CNTN5: variants seen among roughly 807,000 people sequenced by gnomAD.
The protein encoded by CNTN5 is contactin 5.
A neutral mutation model predicts 129.1 loss-of-function variants in CNTN5; 77 were observed. That is an observed-to-expected ratio of 0.60 (90% confidence interval 0.50 to 0.72). The LOEUF is 0.72. Among genes scored for constraint, CNTN5 ranks in the 30% least tolerant of loss-of-function variants. The pLI, the probability that CNTN5 is intolerant of heterozygous loss-of-function variation, is 0.00. For missense variants in CNTN5, 1,478 were observed against 1,328.8 expected, an observed-to-expected ratio of 1.11 and a Z score of -1.75; for synonymous variants, 509 against 465.6, an observed-to-expected ratio of 1.09 and a Z score of -1.20.
intron 3 of CNTN5, among the ~76,000 whole-genome samples, chr11:99,818,492 G>A (rs910259415): frequency 2.0e-5 from 3 of 152,156 alleles, no homozygotes; most frequent in African/African-American, 7.2e-5. Context: ...CCTAGCTGAA[G>A]TCATTCTCCC....
intron 4 of CNTN5, among the ~76,000 whole-genome samples, chr11:99,827,285 C>T (rs1233502950): frequency 2.6e-5 from 4 of 152,230 alleles, no homozygotes; most frequent in South Asian, 2.1e-4. Flanking sequence ...GATAGGGTTT[C>T]ACCATGTTGT....
At chr11:99,868,147 C>A (rs992870564) in intron 6 of CNTN5, among the ~76,000 whole-genome samples, 1 of 151,312 alleles carries the variant, frequency 6.6e-6, no homozygotes, top group East Asian at 1.9e-4. Flanking sequence ...ACCCAGGAGG[C>A]GGAGGTTGTG....
chr11:100,099,019 G>A (rs1323652258), intron 13 of CNTN5, among the ~76,000 whole-genome samples: 1 of 152,064 alleles, frequency 6.6e-6, no homozygotes, highest in East Asian at 1.9e-4. Flanking sequence ...GGGCGGGAAA[G>A]ACAAGTGGGA....
intron 3 of CNTN5, among the ~76,000 whole-genome samples, chr11:99,727,321 A>G (rs866752769): frequency 2.8e-4 from 35 of 123,446 alleles, no homozygotes; most frequent in African/African-American, 5.5e-4. Context: ...TCAAAAAAAA[A>G]AAAAAAAAAA....
intron 13 of CNTN5, among the ~76,000 whole-genome samples, chr11:100,084,696 A>G (rs1944482656): frequency 6.6e-6 from 1 of 152,094 alleles, no homozygotes; most frequent in Non-Finnish European, 1.5e-5. Flanking sequence ...GTAGGTAGGT[A>G]AGTAGGGAGA....
intron 9 of CNTN5, among the ~76,000 whole-genome samples, chr11:100,009,742 A>G (rs906267500): frequency 3.3e-5 from 5 of 152,152 alleles, no homozygotes; most frequent in African/African-American, 1.2e-4. Context: ...CTAATGGTTT[A>G]GATGTAATGT....
chr11:99,834,143 G>C (rs1947230419), intron 4 of CNTN5, among the ~76,000 whole-genome samples: 1 of 152,118 alleles, frequency 6.6e-6, no homozygotes. Flanking sequence ...ATTACACTTA[G>C]TTTTGTTCAG....
At chr11:100,221,960 G>A (rs748067588) in intron 15 of CNTN5, among the ~76,000 whole-genome samples, 2 of 152,176 alleles carry the variant, frequency 1.3e-5, no homozygotes, top group Non-Finnish European at 2.9e-5. Flanking sequence ...AATTGTGGAG[G>A]TTCTCTCTCA....
chr11:99,950,592 T>C (rs561650281), intron 7 of CNTN5, among the ~76,000 whole-genome samples: 15 of 152,264 alleles, frequency 9.9e-5, no homozygotes, highest in Non-Finnish European at 2.1e-4. Context: ...GTTGTGTTTT[T>C]ATAGATGAAA....
chr11:99,555,333 G>A (rs141291747), intron 2 of CNTN5, among the ~76,000 whole-genome samples: 143 of 152,002 alleles, frequency 9.4e-4, no homozygotes, highest in African/African-American at 2.6e-3. Context: ...TAGCTGACAC[G>A]TGAAAATTCT....
At chr11:99,372,749 G>T (rs1160537567) in intron 2 of CNTN5, among the ~76,000 whole-genome samples, 2 of 152,126 alleles carry the variant, frequency 1.3e-5, no homozygotes, top group African/African-American at 2.4e-5. Flanking sequence ...GCTATGCCTA[G>T]ATTTACCTAC....
chr11:99,778,780 G>T (rs1007883452), intron 3 of CNTN5, among the ~76,000 whole-genome samples: 4 of 151,706 alleles, frequency 2.6e-5, no homozygotes, highest in Admixed American at 1.3e-4. Context: ...AATAAAAAGT[G>T]AGTTCAAAAA....
chr11:99,230,682 G>T (rs1485743490), intron 1 of CNTN5, among the ~76,000 whole-genome samples: 3 of 151,980 alleles, frequency 2.0e-5, no homozygotes, highest in African/African-American at 7.3e-5. Flanking sequence ...AAGTTCCGGG[G>T]TACAAGTGCA....
rs537743105 is a variant in CNTN5 at position 99,779,294 on chromosome 11, C to G, written c.56-40250C>G. ...TATAACTCTCATCAAGGCATTTATT[C>G]ATTTTCTGTAATCAGGCTGAATTCA... is the stretch of plus-strand genomic sequence containing the variant. On this transcript the variant is annotated intron_variant, in intron 3 of 24. Transcript: ENST00000524871. Among the ~76,000 whole-genome samples the G allele has an allele frequency of 7.2e-4, 109 of 151,936 alleles. 1 individual carries two copies. Among genetic ancestry groups the G allele is most frequent in the African/African-American group, 2.6e-3 (106 of 41,492 alleles).
chr11:99,236,576 T>G (rs1483091843), intron 1 of CNTN5, among the ~76,000 whole-genome samples: 1 of 152,078 alleles, frequency 6.6e-6, no homozygotes, highest in Non-Finnish European at 1.5e-5. Context: ...TAAGAAAAAG[T>G]ATCTTCCTCA....
In CNTN5 at chr11:99,248,494, T is replaced by C. The variant is rs1318987880; in HGVS notation, c.-209-76852T>C. Among the ~76,000 whole-genome samples the C allele has an allele frequency of 1.5e-4, 23 of 152,198 alleles. 1 individual carries two copies. In the East Asian group the frequency reaches 4.3e-3, roughly 28 times the overall value. On this transcript the variant is annotated intron_variant, in intron 1 of 24. Transcript: ENST00000524871. ...AGATCCCATTTGTCAATTTTGGCTT[T>C]TGTTGCCATTGCTTTTGGTGTTTTA...
intron 3 of CNTN5, among the ~76,000 whole-genome samples, chr11:99,724,255 GA>G (rs1232283691): frequency 2.0e-5 from 3 of 152,034 alleles, no homozygotes; most frequent in African/African-American, 7.3e-5. Flanking sequence ...TTTCAAGTGG[GA>G]TTTTCTGTTC....
chr11:100,320,064 A>G (rs1951657165), intron 21 of CNTN5, among the ~76,000 whole-genome samples: 1 of 152,172 alleles, frequency 6.6e-6, no homozygotes, highest in South Asian at 2.1e-4. Context: ...TTTTATTCGA[A>G]TATATACCAA....
intron 3 of CNTN5, among the ~76,000 whole-genome samples, chr11:99,749,990 C>T (rs1205285618): frequency 1.3e-5 from 2 of 152,188 alleles, no homozygotes; most frequent in East Asian, 1.9e-4. Flanking sequence ...ACTGTCCCAT[C>T]TACCATTCAT....
Sources: gnomAD v4.1 joint callset for allele counts (sites outside exome capture counted in the v4.1 genomes callset) on GRCh38, gnomAD v4.1.1 for gene constraint, MANE v1.5 for transcripts, NCBI Gene and HGNC (gene_info 2026-07-23, HGNC 2026-07-21) for gene names.